Variants in MAEA observed in about 807,000 individuals in gnomAD.
MAEA encodes the protein macrophage erythroblast attacher, E3 ubiquitin ligase.
Under a neutral mutation model 46.2 loss-of-function variants are expected in MAEA, and 22 were observed. That is an observed-to-expected ratio of 0.48 (90% confidence interval 0.34 to 0.68). MAEA has a LOEUF of 0.68. Ranked by LOEUF, MAEA falls within the 30% of genes least tolerant of loss-of-function variation. MAEA has a pLI of 0.01. For missense variants in MAEA, 393 were observed against 558.1 expected, an observed-to-expected ratio of 0.70 and a Z score of 2.98; for synonymous variants, 246 against 222.6, an observed-to-expected ratio of 1.11 and a Z score of -0.94.
intron 1 of MAEA, among the ~76,000 whole-genome samples, chr4:1,295,658 C>CAT: frequency 8.1e-6 from 1 of 123,854 alleles, no homozygotes; most frequent in East Asian, 2.4e-4. Flanking sequence ...CCCCCTCACC[C>CAT]GCTCCTGTAC....
intron 4 of MAEA, 58 bp from the exon 5 acceptor site, chr4:1,327,569 G>A (rs1009732016): frequency 2.5e-5 from 32 of 1,289,714 alleles, no homozygotes; most frequent in African/African-American, 1.7e-4. Flanking sequence ...TGCGGCACCC[G>A]GGCACCTGGG....
Position 1,321,502 on chromosome 4 carries a change from G to A in MAEA, c.457-879G>A, listed in dbSNP as rs145398176. ...GAAAGAAAAGGTGCAAGAAAACAAC[G>A]TTATGAGGGGTTTCAGAAAAGAGTA... is the stretch of plus-strand genomic sequence containing the variant. On this transcript the variant is annotated intron_variant, in intron 3 of 8. Coordinates refer to ENST00000303400, the MANE Select transcript of MAEA (RefSeq NM_001017405.3). 2.7e-3 allele frequency among the ~76,000 whole-genome samples: 413 copies of A among 152,298 alleles called. 2 individuals carry two copies. Among genetic ancestry groups the A allele is most frequent in the African/African-American group, 9.3e-3 (385 of 41,552 alleles).
intron 5 of MAEA, chr4:1,330,042 G>T: frequency 1.0e-6 from 1 of 985,484 alleles, no homozygotes; most frequent in Non-Finnish European, 1.2e-6. Context: ...TGCTGGGCCG[G>T]GCAGGGGGCC....
At chr4:1,330,792 G>GCCA (rs1711673331) in intron 5 of MAEA, 4 of 152,132 alleles carry the variant, frequency 2.6e-5, no homozygotes, top group African/African-American at 9.7e-5. Context: ...TGTGTGTTGG[G>GCCA]GCTGAATGCT....
intron 1 of MAEA, among the ~76,000 whole-genome samples, chr4:1,308,669 G>A (rs928658266): frequency 3.9e-5 from 6 of 152,240 alleles, no homozygotes; most frequent in Non-Finnish European, 7.3e-5. Flanking sequence ...GTGGTTGGTC[G>A]TGTGGAGCAT....
intron 3 of MAEA, among the ~76,000 whole-genome samples, chr4:1,322,144 G>A (rs549589975): frequency 5.3e-5 from 8 of 152,238 alleles, no homozygotes; most frequent in Middle Eastern, 3.4e-3. Context: ...TCCCTTGCCC[G>A]GCTATGGCTG....
chr4:1,329,270 TC>T (rs1231503677), intron 5 of MAEA: 11 of 982,986 alleles, frequency 1.1e-5, no homozygotes, highest in Non-Finnish European at 1.3e-5. Context: ...TTACCTGTGT[TC>T]CCCCCGCTCC....
intron 3 of MAEA, among the ~76,000 whole-genome samples, chr4:1,321,861 G>GTT (rs1240201773): frequency 1.0e-4 from 14 of 134,934 alleles, no homozygotes; most frequent in Non-Finnish European, 1.6e-4. Flanking sequence ...GGGTTACTCT[G>GTT]TTTTTTTTGT....
intron 1 of MAEA, 30 bp downstream of exon 1, chr4:1,290,012 CA>C: frequency 6.5e-7 from 1 of 1,548,688 alleles, no homozygotes; most frequent in South Asian, 1.2e-5. Flanking sequence ...AGGCTGAGGG[CA>C]GCGAAGGCGT....
chr4:1,309,337 A>C (rs1366905648), intron 1 of MAEA: 2 of 900,584 alleles, frequency 2.2e-6, no homozygotes, highest in South Asian at 5.2e-5. Context: ...GGAGCCTGTG[A>C]AGGGGCTCTT....
At chr4:1,313,778 G>A (rs1736801463) in intron 2 of MAEA, among the ~76,000 whole-genome samples, 1 of 151,950 alleles carries the variant, frequency 6.6e-6, no homozygotes, top group Admixed American at 6.6e-5. Context: ...AGTGATTTAA[G>A]GCTGGACACT....
chr4:1,331,754 AC>A (rs1034491660), intron 5 of MAEA: 8 of 81,202 alleles, frequency 9.9e-5, no homozygotes, highest in Non-Finnish European at 1.8e-4. Flanking sequence ...AGGGACAGTG[AC>A]CCTGTGTGTG....
intron 2 of MAEA, among the ~76,000 whole-genome samples, chr4:1,314,199 C>T (rs957789859): frequency 4.0e-5 from 6 of 151,894 alleles, no homozygotes; most frequent in African/African-American, 2.4e-5. Context: ...GCATGGTGTA[C>T]GCCTGTGGTC....
intron 4 of MAEA, chr4:1,323,481 A>T (rs1738409492): frequency 8.5e-6 from 6 of 702,570 alleles, no homozygotes; most frequent in Middle Eastern, 2.3e-4. Context: ...CAGGAGTGAC[A>T]CACTGCCACT....
At chr4:1,305,364 A>G (rs1735727486) in intron 1 of MAEA, among the ~76,000 whole-genome samples, 1 of 152,170 alleles carries the variant, frequency 6.6e-6, no homozygotes, top group Non-Finnish European at 1.5e-5. Context: ...CGCTGCTTCC[A>G]GGCGGCGCGG....
intron 1 of MAEA, among the ~76,000 whole-genome samples, chr4:1,296,845 C>G (rs1734781601): frequency 2.0e-5 from 3 of 152,178 alleles, no homozygotes; most frequent in Admixed American, 2.0e-4. Context: ...GTGACACCAT[C>G]CTCTGGGCTC....
At chr4:1,294,359 GA>G (rs1369819466) in intron 1 of MAEA, among the ~76,000 whole-genome samples, 12 of 152,238 alleles carry the variant, frequency 7.9e-5, no homozygotes, top group Non-Finnish European at 1.5e-4. Flanking sequence ...ATGTAGACTT[GA>G]ATTCACTGCT....
chr4:1,334,728 C>A (rs1712523281), intron 6 of MAEA: 2 of 306,394 alleles, frequency 6.5e-6, no homozygotes, highest in Admixed American at 6.5e-5. Flanking sequence ...GCCCCGTTGC[C>A]ATGGGTCAGG....
chr4:1,337,045 G>T, intron 7 of MAEA, 51 bp downstream of exon 7: 1 of 1,601,148 alleles, frequency 6.2e-7, no homozygotes, highest in South Asian at 1.1e-5. Flanking sequence ...TGGCATCTTT[G>T]GTCATATTTT....
Sources: allele counts gnomAD v4.1 joint callset (sites outside exome capture counted in the v4.1 genomes callset), GRCh38; gene constraint gnomAD v4.1.1; transcripts MANE v1.5; gene names NCBI Gene and HGNC (gene_info 2026-07-23, HGNC 2026-07-21).